Variants in CYRIA observed in about 807,000 individuals in gnomAD.
CYRIA encodes CYFIP related Rac1 interactor A, also known as CYFIP-related Rac1 interactor A.
In CYRIA, 15 loss-of-function variants were observed where a neutral mutation model predicts 43.9. That is an observed-to-expected ratio of 0.34 (90% confidence interval 0.23 to 0.53). The LOEUF is 0.53. Among genes scored for constraint, CYRIA ranks in the 20% least tolerant of loss-of-function variants. The probability of loss-of-function intolerance (pLI) is 0.94; values close to 1 mark genes in which losing one functional copy is unlikely to be tolerated. For missense variants in CYRIA, 236 were observed against 394.2 expected (o/e 0.60, Z 3.40); for synonymous variants, 117 against 136.0 (o/e 0.86, Z 0.97).
At chr2:16,663,870 C>G (rs1246577562) in intron 1 of CYRIA, among the ~76,000 whole-genome samples, 2 of 152,080 alleles carry the variant, frequency 1.3e-5, no homozygotes, top group East Asian at 3.9e-4. Flanking sequence ...AAGGAAGTCC[C>G]TGTGATCCCT....
chr2:16,655,879 A>G (rs1255479044), intron 1 of CYRIA, among the ~76,000 whole-genome samples: 1 of 152,176 alleles, frequency 6.6e-6, no homozygotes, highest in African/African-American at 2.4e-5. Context: ...CATAAGATTT[A>G]CAGGGTTCTA....
At chr2:16,575,712 C>T (rs946362144) in intron 3 of CYRIA, among the ~76,000 whole-genome samples, 34 of 151,792 alleles carry the variant, frequency 2.2e-4, no homozygotes, top group African/African-American at 3.4e-4. Context: ...AAAAATTAGC[C>T]GGGCGTGATG....
At chr2:16,581,907 CA>C (rs1418084146) in intron 3 of CYRIA, among the ~76,000 whole-genome samples, 3 of 152,090 alleles carry the variant, frequency 2.0e-5, no homozygotes, top group African/African-American at 7.2e-5. Context: ...GGCTGGATGT[CA>C]AAAACATTAT....
chr2:16,613,694 G>A (rs1169133085), intron 2 of CYRIA, among the ~76,000 whole-genome samples: 4 of 152,196 alleles, frequency 2.6e-5, no homozygotes, highest in South Asian at 2.1e-4. Flanking sequence ...GGTAGGTACC[G>A]AACACAAATG....
chr2:16,552,413 CG>C lies in CYRIA; in HGVS notation c.*522del, dbSNP rs1405864626. ...AACACGTGCAAACAGAAAAGTTGCACGTGTGGACTGCAGTCTGAGGACAGAG... is the reference window on the plus strand; with the variant it reads ...AACACGTGCAAACAGAAAAGTTGCACTGTGGACTGCAGTCTGAGGACAGAG... On this transcript the variant is annotated 3_prime_UTR_variant, in exon 12 of 12. Coordinates refer to ENST00000381323, the MANE Select transcript of CYRIA (RefSeq NM_030797.4). The C allele has an allele frequency of 6.6e-6, 1 of 152,338 alleles. No individual in the cohort carries two copies. Among genetic ancestry groups the C allele is most frequent in the African/African-American group, 2.4e-5 (1 of 41,406 alleles). The allele number at this position is 152,338 out of a possible 1,614,324, so 9.4% of individuals were successfully genotyped here. A position where few individuals can be genotyped will look rare whatever the true frequency, so the allele number is the denominator to read the frequency against.
At chr2:16,606,786 C>G (rs1668414548) in intron 2 of CYRIA, among the ~76,000 whole-genome samples, 1 of 152,102 alleles carries the variant, frequency 6.6e-6, no homozygotes, top group African/African-American at 2.4e-5. Flanking sequence ...CTTGGGATGA[C>G]TCGACATCTA....
intron 2 of CYRIA, among the ~76,000 whole-genome samples, chr2:16,590,482 G>A (rs550024273): frequency 6.6e-6 from 1 of 152,154 alleles, no homozygotes; most frequent in Non-Finnish European, 1.5e-5. Context: ...TGTATCATAA[G>A]AGACTTGCAT....
intron 2 of CYRIA, among the ~76,000 whole-genome samples, chr2:16,609,153 G>A (rs1668507891): frequency 6.6e-6 from 1 of 152,162 alleles, no homozygotes; most frequent in South Asian, 2.1e-4. Flanking sequence ...TCACAGAGGC[G>A]GCTGCAGACA....
intron 1 of CYRIA, among the ~76,000 whole-genome samples, chr2:16,637,387 G>A (rs1669530653): frequency 6.6e-6 from 1 of 152,178 alleles, no homozygotes; most frequent in East Asian, 1.9e-4. Flanking sequence ...AAGATTAGTG[G>A]CCTTCTCAAA....
At position 16,552,010 on chromosome 2, in the gene CYRIA, C is replaced by T. The variant is rs979111815; in HGVS notation, c.*926G>A. The stretch of plus-strand genomic sequence containing the variant: ...TGGTAACTAATGCAGTATCCTAGAC[C>T]TTTGTTCTCATATGAATGGTCTTCA... On this transcript the variant is annotated 3_prime_UTR_variant, in exon 12 of 12. Transcript: ENST00000381323. 8.6e-5 allele frequency: 13 copies of T among 152,034 alleles called. No individual in the cohort carries two copies. Among genetic ancestry groups the T allele is most frequent in the African/African-American group, 3.1e-4 (13 of 41,402 alleles). 9.4% of individuals were successfully genotyped at this position (152,034 alleles called of 1,614,324 possible). A position where few individuals can be genotyped will look rare whatever the true frequency, so the allele number is the denominator to read the frequency against.
rs113722541 is a variant in CYRIA at position 16,604,068 on chromosome 2, G to A, written c.-10-15939C>T. 9.6e-3 allele frequency among the ~76,000 whole-genome samples: 1,468 copies of A among 152,290 alleles called. 32 individuals carry two copies. Among genetic ancestry groups the A allele is most frequent in the African/African-American group, 0.033 (1,390 of 41,540 alleles). On this transcript the variant is annotated intron_variant, in intron 2 of 11. Coordinates refer to ENST00000381323, the MANE Select transcript of CYRIA (RefSeq NM_030797.4). ...CTACAAGCGTGACCTGGCCTCTCACGTCGTCAGGCCAGCGCCTTCATCTGC... is the reference window on the plus strand; with the variant it reads ...CTACAAGCGTGACCTGGCCTCTCACATCGTCAGGCCAGCGCCTTCATCTGC...
chr2:16,610,670 C>A (rs959107312), intron 2 of CYRIA, among the ~76,000 whole-genome samples: 12 of 151,848 alleles, frequency 7.9e-5, no homozygotes, highest in Non-Finnish European at 1.8e-4. Flanking sequence ...TGTGTACTGC[C>A]CCATGTAGTT....
intron 2 of CYRIA, among the ~76,000 whole-genome samples, chr2:16,599,892 G>C (rs1668141033): frequency 6.6e-6 from 1 of 152,098 alleles, no homozygotes; most frequent in South Asian, 2.1e-4. Flanking sequence ...AAGAAGCTGG[G>C]ATTACAGGCA....
At chr2:16,555,774 C>T (rs1666486919) in intron 10 of CYRIA, among the ~76,000 whole-genome samples, 1 of 152,096 alleles carries the variant, frequency 6.6e-6, no homozygotes, top group Non-Finnish European at 1.5e-5. Context: ...CCCATATTAA[C>T]TTCTTTCTTC....
At position 16,613,220 on chromosome 2, in the gene CYRIA, A is replaced by G. The variant is rs186393211; in HGVS notation, c.-11+10644T>C. Among the ~76,000 whole-genome samples, 70 of 152,176 alleles carry G rather than the reference A, an allele frequency of 4.6e-4. No homozygotes were observed. The East Asian group carries it at 0.012, about 26-fold the overall frequency. On this transcript the variant is annotated intron_variant, in intron 2 of 11. Coordinates refer to ENST00000381323, the MANE Select transcript of CYRIA (RefSeq NM_030797.4). ...GCTGAAGGCTGGGAGACTTCCATGC[A>G]TTTTCAGGAGTGCATTTTCAGGTAT...
intron 3 of CYRIA, among the ~76,000 whole-genome samples, chr2:16,568,154 G>A (rs1667008231): frequency 6.7e-6 from 1 of 148,776 alleles, no homozygotes; most frequent in Non-Finnish European, 1.5e-5. Flanking sequence ...ATTCTCACTG[G>A]AGTATTTTGC....
intron 1 of CYRIA, among the ~76,000 whole-genome samples, chr2:16,660,718 A>T (rs1035093193): frequency 2.6e-5 from 4 of 152,246 alleles, no homozygotes; most frequent in African/African-American, 9.6e-5. Flanking sequence ...TTTCATTTAA[A>T]AAATCTAATT....
chr2:16,571,777 T>G (rs1477385740), intron 3 of CYRIA, among the ~76,000 whole-genome samples: 1 of 152,310 alleles, frequency 6.6e-6, no homozygotes, highest in East Asian at 1.9e-4. Context: ...AATTCTGCCC[T>G]TCTTTCCCAC....
intron 3 of CYRIA, among the ~76,000 whole-genome samples, chr2:16,586,147 G>C (rs1464687233): frequency 6.6e-6 from 1 of 152,006 alleles, no homozygotes; most frequent in Non-Finnish European, 1.5e-5. Context: ...AAACAAACAA[G>C]CACGTTAGTC....
Sources: gnomAD v4.1 joint callset for allele counts (sites outside exome capture counted in the v4.1 genomes callset) on GRCh38, gnomAD v4.1.1 for gene constraint, MANE v1.5 for transcripts, NCBI Gene and HGNC (gene_info 2026-07-23, HGNC 2026-07-21) for gene names.